COL4A1: variants seen among roughly 807,000 people sequenced by gnomAD.
The protein encoded by COL4A1 is collagen type IV alpha 1 chain.
A neutral mutation model predicts 216.6 loss-of-function variants in COL4A1; 40 were observed. The observed-to-expected ratio is 0.18, with a 90% CI of 0.14 to 0.24. COL4A1 has a LOEUF of 0.24. Among genes scored for constraint, COL4A1 ranks in the 10% least tolerant of loss-of-function variants. The pLI is 1.00. For synonymous variants in COL4A1, 839 were observed against 810.7 expected (o/e 1.03, Z -0.59); for missense variants, 1,628 against 2,196.8 (o/e 0.74, Z 5.18).
chr13:110,178,715 G>GC lies in COL4A1; in HGVS notation c.2458+207dup, dbSNP rs58452196. ...AATAAAGGAAAGGTCTCTTTGTTTGGCACATCATCTCAGTGGGTGGGAGAA... is the reference window on the plus strand; with the variant it reads ...AATAAAGGAAAGGTCTCTTTGTTTGGCCACATCATCTCAGTGGGTGGGAGAA... On this transcript the variant is annotated intron_variant, in intron 31 of 51. Coordinates refer to ENST00000375820, the MANE Select transcript of COL4A1 (RefSeq NM_001845.6). Among the ~76,000 whole-genome samples, 2,418 of 152,304 alleles carry GC rather than the reference G, an allele frequency of 0.016. 67 individuals are homozygous for GC. The highest frequency in any genetic ancestry group is 0.056 in the African/African-American group (2,328 of 41,552).
At chr13:110,151,709 G>A (rs745346774) in intron 51 of COL4A1, among the ~76,000 whole-genome samples, 22 of 152,204 alleles carry the variant, frequency 1.4e-4, no homozygotes, top group Non-Finnish European at 2.8e-4. Flanking sequence ...GGCTGCAGCT[G>A]GGGCTCGGGA....
chr13:110,274,635 G>A (rs994910475), intron 1 of COL4A1, among the ~76,000 whole-genome samples: 18 of 152,122 alleles, frequency 1.2e-4, no homozygotes, highest in South Asian at 2.1e-4. Context: ...CTCCAACCTC[G>A]TCACCGTTGT....
At chr13:110,299,594 AG>A (rs1377575772) in intron 1 of COL4A1, among the ~76,000 whole-genome samples, 1 of 152,216 alleles carries the variant, frequency 6.6e-6, no homozygotes, top group Admixed American at 6.5e-5. Context: ...GAGGAAGACC[AG>A]GGCCCACACA....
Position 110,264,383 on chromosome 13 carries a change from A to C in COL4A1, c.85-21649T>G, listed in dbSNP as rs1882944349. 2.6e-5 allele frequency among the ~76,000 whole-genome samples: 4 copies of C among 152,104 alleles called. No homozygotes were observed. In the South Asian group the frequency reaches 8.3e-4, roughly 32 times the overall value. ...ACCTGGCTGCAGGTTCCCTCTTAAA[A>C]CTCAAACTTGGCAACCACCCTCCTA... On this transcript the variant is annotated intron_variant, in intron 1 of 51. Transcript: ENST00000375820.
In COL4A1 at chr13:110,279,166, C is replaced by A. The variant is rs111739277; in HGVS notation, c.84+27778G>T. ...GCACTTTTGGGGGGCACTTACCTAA[C>A]CAATCTTTATCATATACACTGGAGC... On this transcript the variant is annotated intron_variant, in intron 1 of 51. Transcript: ENST00000375820. Among the ~76,000 whole-genome samples the A allele has an allele frequency of 2.4e-3, 368 of 152,288 alleles. 3 individuals carry two copies. The highest frequency in any genetic ancestry group is 8.6e-3 in the African/African-American group (356 of 41,544).
At chr13:110,217,941 G>C (rs1208091727) in intron 2 of COL4A1, among the ~76,000 whole-genome samples, 5 of 152,182 alleles carry the variant, frequency 3.3e-5, no homozygotes, top group Non-Finnish European at 7.3e-5. Context: ...AAAATGCGTG[G>C]ATAGAAAGTC....
chr13:110,178,963 A>G lies in COL4A1; in HGVS notation c.2418T>C (p.Ala806=). Residue 806 remains alanine (A), a synonymous_variant, in exon 31 of 52, where the codon GCT becomes GCC. Transcript: ENST00000375820. ...GTCCCTGTCCTCCAGGGGGACCCCT[A>G]GCTCCAGGGGGGCCTATTCCTGGAA... ...PGVPGIGPPG[A]RGPPGGQGPP... is the part of the protein sequence containing the mutation. 2 of 1,612,550 alleles carry G rather than the reference A, an allele frequency of 1.2e-6. No individual in the cohort carries two copies. The highest frequency in any genetic ancestry group is 1.7e-6 in the Non-Finnish European group (2 of 1,179,748).
In COL4A1 at chr13:110,176,806, T is replaced by C. The variant is rs928983847; in HGVS notation, c.2869+79A>G. The stretch of plus-strand genomic sequence containing the variant: ...GCAGAAACGCAGGTTGGTTTGGTTA[T>C]TATTTATGGAGGACCCGATAACCCA... On this transcript the variant is annotated intron_variant, in intron 34 of 51. Coordinates refer to ENST00000375820, the MANE Select transcript of COL4A1 (RefSeq NM_001845.6). 2.4e-5 allele frequency: 39 copies of C among 1,613,978 alleles called. No homozygotes were observed. The South Asian group carries it at 4.3e-4, about 18-fold the overall frequency.
At position 110,214,019 on chromosome 13, in the gene COL4A1, C is replaced by T. The variant is rs1566380189; in HGVS notation, c.145-4G>A. Reference sequence around the variant, plus strand: ...ACCCCGGGAGGCCTCTTTCACCCTACAGAAGAGGAACATCAGTCAGGCAAA... The same window carrying T: ...ACCCCGGGAGGCCTCTTTCACCCTATAGAAGAGGAACATCAGTCAGGCAAA... On this transcript the variant is annotated splice_polypyrimidine_tract_variant and splice_region_variant and intron_variant, in intron 2 of 51. Coordinates refer to ENST00000375820, the MANE Select transcript of COL4A1 (RefSeq NM_001845.6). 2 of 1,613,318 alleles carry T rather than the reference C, an allele frequency of 1.2e-6. No individual in the cohort carries two copies. Among genetic ancestry groups the T allele is most frequent in the Non-Finnish European group, 1.7e-6 (2 of 1,179,414 alleles).
At chr13:110,230,401 G>T (rs1002101222) in intron 2 of COL4A1, among the ~76,000 whole-genome samples, 3 of 152,130 alleles carry the variant, frequency 2.0e-5, no homozygotes, top group African/African-American at 7.2e-5. Context: ...GGGTCATCAG[G>T]GCTCGTCGTG....
intron 37 of COL4A1, 115 bp downstream of exon 37, chr13:110,175,103 G>T: frequency 7.5e-7 from 1 of 1,324,688 alleles, no homozygotes; most frequent in Non-Finnish European, 1.1e-6. Flanking sequence ...TGCCTTATGG[G>T]ACTCCCTGTG....
intron 2 of COL4A1, among the ~76,000 whole-genome samples, chr13:110,242,473 C>T (rs1881610350): frequency 6.6e-6 from 1 of 152,220 alleles, no homozygotes; most frequent in African/African-American, 2.4e-5. Context: ...CTATTACATT[C>T]TTTGGAGAAG....
chr13:110,237,828 C>G (rs1263737813), intron 2 of COL4A1, among the ~76,000 whole-genome samples: 1 of 152,138 alleles, frequency 6.6e-6, no homozygotes, highest in Non-Finnish European at 1.5e-5. Context: ...AATATCTAGG[C>G]GCTAAATGGC....
At chr13:110,213,686 C>G in intron 4 of COL4A1, 96 bp downstream of exon 4, 2 of 1,268,822 alleles carry the variant, frequency 1.6e-6, no homozygotes, top group Admixed American at 1.7e-5. Flanking sequence ...AGATGGAGGA[C>G]GAGGGCAAGG....
chr13:110,183,161 G>A (rs1294033251), intron 27 of COL4A1, 23 bp downstream of exon 27: 4 of 1,613,494 alleles, frequency 2.5e-6, no homozygotes. Context: ...TGGTATCCCG[G>A]TGAGCTGGAA....
chr13:110,261,645 A>G (rs939125279), intron 1 of COL4A1, among the ~76,000 whole-genome samples: 1 of 152,224 alleles, frequency 6.6e-6, no homozygotes, highest in Non-Finnish European at 1.5e-5. Context: ...TGCCCAGGGA[A>G]CCGCACCCAA....
At chr13:110,235,927 A>T (rs9588121) in intron 2 of COL4A1, among the ~76,000 whole-genome samples, 24,896 of 152,156 alleles carry the variant, frequency 0.16, 2,309 homozygotes, top group African/African-American at 0.24. Flanking sequence ...GGAAATAAAT[A>T]TATTTATAAA....
At chr13:110,210,906 C>T (rs1181462529) in intron 8 of COL4A1, among the ~76,000 whole-genome samples, 2 of 150,580 alleles carry the variant, frequency 1.3e-5, no homozygotes, top group Non-Finnish European at 2.9e-5. Flanking sequence ...GCCTGCCCAC[C>T]TCACTCTGCA....
chr13:110,209,759 A>G, intron 10 of COL4A1: 1 of 766,800 alleles, frequency 1.3e-6, no homozygotes, highest in Non-Finnish European at 2.4e-6. Context: ...GTTTCAGGGT[A>G]TCAGTTTATG....
Sources: gnomAD v4.1 joint callset for allele counts (sites outside exome capture counted in the v4.1 genomes callset) on GRCh38, gnomAD v4.1.1 for gene constraint, MANE v1.5 for transcripts, NCBI Gene and HGNC (gene_info 2026-07-23, HGNC 2026-07-21) for gene names.